CFTR: variants seen among roughly 807,000 people sequenced by gnomAD.
CFTR encodes CF transmembrane conductance regulator, also known as cystic fibrosis transmembrane conductance regulator.
A neutral mutation model predicts 171.6 loss-of-function variants in CFTR; 181 were observed. That is an observed-to-expected ratio of 1.05 (90% CI 0.93 to 1.19). The LOEUF (loss-of-function observed/expected upper bound fraction) is 1.19, where lower values mean the gene tolerates loss of function less well. CFTR is among the 50% of genes most tolerant of loss of function. The probability of loss-of-function intolerance (pLI) is 0.00; values close to 1 mark genes in which losing one functional copy is unlikely to be tolerated. For synonymous variants in CFTR, 583 were observed against 608.0 expected (o/e 0.96, Z 0.60); for missense variants, 1,968 against 1,734.7 (o/e 1.13, Z -2.39).
chr7:117,558,479 A>G (rs574325858), intron 10 of CFTR, among the ~76,000 whole-genome samples: 97 of 151,970 alleles, frequency 6.4e-4, no homozygotes, highest in African/African-American at 2.2e-3. Context: ...GCGTGAACCC[A>G]GGAGGCAGAA....
In CFTR at chr7:117,611,621, A is replaced by G. The variant is rs142526976; in HGVS notation, c.3180A>G (p.Lys1060=). 3.7e-6 allele frequency: 6 copies of G among 1,613,126 alleles called. No individual in the cohort carries two copies. In the African/African-American group the frequency reaches 8.0e-5, roughly 22 times the overall value. ...PIFTHLVTSL[K]GLWTLRAFGR... ...TCACTCATCTTGTTACAAGCTTAAA[A>G]GGACTATGGACACTTCGTGCCTTCG... The change falls in exon 20 of 27, where the codon AAA becomes AAG. Residue 1060 remains lysine (K), a synonymous_variant. Transcript: ENST00000003084.
chr7:117,525,002 A>T (rs1460907535), intron 3 of CFTR, among the ~76,000 whole-genome samples: 1 of 152,246 alleles, frequency 6.6e-6, no homozygotes, highest in Non-Finnish European at 1.5e-5. Context: ...CAAAACATAC[A>T]TAAAATAATA....
intron 3 of CFTR, among the ~76,000 whole-genome samples, chr7:117,526,398 C>CA (rs1439836608): frequency 1.0e-5 from 1 of 97,720 alleles, no homozygotes; most frequent in African/African-American, 4.2e-5. Context: ...TAAATGCCTA[C>CA]AAGAGAAAGC....
intron 1 of CFTR, among the ~76,000 whole-genome samples, chr7:117,489,821 TG>T (rs1798128231): frequency 1.3e-5 from 2 of 151,934 alleles, no homozygotes; most frequent in African/African-American, 2.4e-5. Flanking sequence ...GTGATTTTCT[TG>T]GTTCCTGTCT....
chr7:117,630,210 C>G (rs1792720801), intron 22 of CFTR, among the ~76,000 whole-genome samples: 1 of 152,052 alleles, frequency 6.6e-6, no homozygotes, highest in Non-Finnish European at 1.5e-5. Flanking sequence ...TGAAAAGAGC[C>G]CTCCCTCCAA....
At chr7:117,499,462 T>TGTGTGTGTGTGTG (rs1554375131) in intron 1 of CFTR, among the ~76,000 whole-genome samples, 19 of 149,374 alleles carry the variant, frequency 1.3e-4, no homozygotes, top group African/African-American at 2.7e-4. Context: ...TGTGTGTGTG[T>TGTGTGTGTGTGTG]TTAAAAAATC....
At chr7:117,629,491 C>T (rs1353601015) in intron 22 of CFTR, among the ~76,000 whole-genome samples, 4 of 152,150 alleles carry the variant, frequency 2.6e-5, no homozygotes, top group Admixed American at 6.5e-5. Flanking sequence ...TTCAAAGTTA[C>T]TTTTCTTGAA....
chr7:117,599,767 G>A (rs897422756), intron 15 of CFTR, among the ~76,000 whole-genome samples: 3 of 152,006 alleles, frequency 2.0e-5, no homozygotes, highest in Non-Finnish European at 4.4e-5. Flanking sequence ...CAATTCTATT[G>A]CCTTCTTTGA....
intron 15 of CFTR, among the ~76,000 whole-genome samples, chr7:117,595,770 C>A (rs2116041649): frequency 6.6e-6 from 1 of 152,054 alleles, no homozygotes; most frequent in East Asian, 1.9e-4. Flanking sequence ...TGTATGCTAC[C>A]ATTAACTAAG....
Position 117,594,913 on chromosome 7 carries a change from A to G in CFTR, c.2491-17A>G. The G allele has an allele frequency of 1.2e-6, 2 of 1,611,778 alleles. No homozygotes were observed. Among genetic ancestry groups the G allele is most frequent in the Non-Finnish European group, 1.7e-6 (2 of 1,178,328 alleles). ...ACTGTACTGTCTTATTGTAATAGCC[A>G]TAATTCTTTTATTCAGGAGTGCTTT... is the stretch of plus-strand genomic sequence containing the variant. On this transcript the variant is annotated splice_polypyrimidine_tract_variant and intron_variant, in intron 14 of 26. Transcript: ENST00000003084.
intron 1 of CFTR, among the ~76,000 whole-genome samples, chr7:117,494,580 G>A (rs4148687): frequency 0.24 from 35,701 of 151,830 alleles, 4,482 homozygotes; most frequent in East Asian, 0.42. Context: ...ATGATGGCTC[G>A]GAAAAATATG....
intron 11 of CFTR, among the ~76,000 whole-genome samples, chr7:117,574,141 C>G (rs570965903): frequency 6.6e-6 from 1 of 151,922 alleles, no homozygotes; most frequent in Non-Finnish European, 1.5e-5. Context: ...CAGATTTGAG[C>G]GCTCTTAGTA....
intron 21 of CFTR, among the ~76,000 whole-genome samples, chr7:117,626,779 G>GT (rs762705720): frequency 1.1e-4 from 16 of 150,994 alleles, no homozygotes; most frequent in Non-Finnish European, 1.8e-4. Context: ...AGAGATGTAT[G>GT]TTTTTTTTAA....
intron 1 of CFTR, among the ~76,000 whole-genome samples, chr7:117,492,060 C>CT (rs1489698531): frequency 3.3e-5 from 5 of 151,930 alleles, no homozygotes; most frequent in Admixed American, 6.6e-5. Flanking sequence ...GAAAAAGGAC[C>CT]TTTTGCTCTT....
chr7:117,491,020 T>A (rs1183532629), intron 1 of CFTR, among the ~76,000 whole-genome samples: 1 of 152,106 alleles, frequency 6.6e-6, no homozygotes, highest in Non-Finnish European at 1.5e-5. Context: ...GGCAATTTTA[T>A]CGTTGTGAGA....
rs138686359 is a variant in CFTR at position 117,588,460 on chromosome 7, T to C, written c.1679+627T>C. 1.8e-3 allele frequency among the ~76,000 whole-genome samples: 273 copies of C among 152,206 alleles called. 2 individuals are homozygous for C. The highest frequency in any genetic ancestry group is 6.3e-3 in the African/African-American group (260 of 41,576). ...TTTGTGGTTAAACTGTAACTTTCAG[T>C]TTAAACAATTATTGGTGACTCTGAT... On this transcript the variant is annotated intron_variant, in intron 12 of 26. Transcript: ENST00000003084.
intron 14 of CFTR, among the ~76,000 whole-genome samples, chr7:117,593,042 CT>C (rs1433476485): frequency 2.6e-5 from 4 of 152,146 alleles, no homozygotes; most frequent in Non-Finnish European, 5.9e-5. Flanking sequence ...GCAAAATAAT[CT>C]GTATGGAAGT....
At position 117,638,780 on chromosome 7, in the gene CFTR, A is replaced by AT. The variant is rs1461131998; in HGVS notation, c.3718-3658_3718-3657insT. Among the ~76,000 whole-genome samples, 429 of 145,792 alleles carry AT rather than the reference A, an allele frequency of 2.9e-3. 2 individuals carry two copies. Among genetic ancestry groups the AT allele is most frequent in the African/African-American group, 0.011 (395 of 35,976 alleles). On this transcript the variant is annotated intron_variant, in intron 22 of 26. Transcript: ENST00000003084. ...AAATAAATAAATAATAAAAATAAAA[A>AT]AATAAAATAAAACAAAAATTTTATT... is the stretch of plus-strand genomic sequence containing the variant.
At chr7:117,532,263 G>A (rs1798877441) in intron 4 of CFTR, among the ~76,000 whole-genome samples, 1 of 152,172 alleles carries the variant, frequency 6.6e-6, no homozygotes, top group Non-Finnish European at 1.5e-5. Flanking sequence ...TGGCATATCA[G>A]AGAAGGTTGA....
Sources: allele counts gnomAD v4.1 joint callset (sites outside exome capture counted in the v4.1 genomes callset), GRCh38; gene constraint gnomAD v4.1.1; transcripts MANE v1.5; gene names NCBI Gene and HGNC (gene_info 2026-07-23, HGNC 2026-07-21).